The following CCDC110 variants were observed in gnomAD, a reference collection of about 807,000 sequenced individuals.
CCDC110 encodes the protein coiled-coil domain-containing protein 110.
A neutral mutation model predicts 77.1 loss-of-function variants in CCDC110; 70 were observed. The observed-to-expected ratio is 0.91, with a 90% CI of 0.75 to 1.11. The LOEUF is 1.11. Among genes scored for constraint, CCDC110 ranks in the 50% least tolerant of loss-of-function variants. The pLI, the probability that CCDC110 is intolerant of heterozygous loss-of-function variation, is 0.00. For synonymous variants in CCDC110, 295 were observed against 312.5 expected, an observed-to-expected ratio of 0.94 and a Z score of 0.59; for missense variants, 868 against 942.9, an observed-to-expected ratio of 0.92 and a Z score of 1.04.
At chr4:185,447,305 C>T (rs2095615714) in intron 6 of CCDC110, among the ~76,000 whole-genome samples, 1 of 152,010 alleles carries the variant, frequency 6.6e-6, no homozygotes, top group Admixed American at 6.6e-5. Flanking sequence ...CCTCAGCCTC[C>T]CGAGTAGCTG....
intron 4 of CCDC110, 89 bp downstream of exon 4, chr4:185,462,554 G>C: frequency 2.0e-6 from 2 of 976,752 alleles, no homozygotes; most frequent in Non-Finnish European, 3.3e-6. Context: ...TTCTGTGTCA[G>C]CTAATCCATT....
intron 6 of CCDC110, among the ~76,000 whole-genome samples, chr4:185,448,262 C>T (rs1317783826): frequency 6.6e-6 from 1 of 152,138 alleles, no homozygotes; most frequent in Non-Finnish European, 1.5e-5. Context: ...CTCAGGTGAT[C>T]CGCCCGCCTC....
rs566990491 is a variant in CCDC110, at chr4:185,468,272, G to A, written c.115+2673C>T. Reference sequence around the variant, plus strand: ...TCGCAGTGAGGGGATAACTCTAGGCGAGTGTCCAGTTTGTAGATAAAGCCC... The same window carrying A: ...TCGCAGTGAGGGGATAACTCTAGGCAAGTGTCCAGTTTGTAGATAAAGCCC... On this transcript the variant is annotated intron_variant, in intron 2 of 6. Transcript: ENST00000307588. This position sits in a 1 kb window ranked among gnomAD's most constrained non-coding sequence, Gnocchi z 4.5. Among the ~76,000 whole-genome samples the A allele has an allele frequency of 6.6e-6, 1 of 152,354 alleles. No individual in the cohort carries two copies. Among genetic ancestry groups the A allele is most frequent in the South Asian group, 2.1e-4 (1 of 4,828 alleles).
In CCDC110 at chr4:185,458,142, CAA is replaced by C; in HGVS notation, c.2443_2444del (p.Leu815GlyfsTer11). ...EDTSSPQSRP[L>X]ASDLKGYFKV... ...CTTGCGTACCTTTCAAATCCGAAGC[CAA>C]AGGCCTACTCTGAGGACTAGAAGTA... On this transcript the variant is annotated frameshift_variant, in exon 6 of 7. Transcript: ENST00000307588. LOFTEE classifies it high-confidence loss of function. 2 of 1,554,430 alleles carry C rather than the reference CAA, an allele frequency of 1.3e-6. No homozygotes were observed. The highest frequency in any genetic ancestry group is 1.7e-6 in the Non-Finnish European group (2 of 1,160,636).
chr4:185,462,876 T>C (rs1002051220), intron 3 of CCDC110, 118 bp downstream of exon 3: 1 of 1,043,780 alleles, frequency 9.6e-7, no homozygotes, highest in African/African-American at 1.6e-5. Context: ...TGTGCTTTCA[T>C]GGAGATCCTT....
chr4:185,457,223 T>G (rs2095637150), intron 6 of CCDC110: 1 of 455,616 alleles, frequency 2.2e-6, no homozygotes, highest in Non-Finnish European at 4.4e-6. Flanking sequence ...AATAGCAGTC[T>G]TGGAAGACAG....
At chr4:185,471,507 C>G in intron 1 of CCDC110, 167 bp downstream of exon 1, 1 of 674,564 alleles carries the variant, frequency 1.5e-6, no homozygotes, top group Non-Finnish European at 2.4e-6. Context: ...CGCAGGGGGC[C>G]GCAGCGGGTG....
chr4:185,457,208 A>AT (rs1401214304), intron 6 of CCDC110: 1 of 454,810 alleles, frequency 2.2e-6, no homozygotes, highest in East Asian at 7.0e-5. Context: ...AACAAGGAAT[A>AT]TTTGAATAGC....
chr4:185,454,628 C>A (rs2095633617), intron 6 of CCDC110, among the ~76,000 whole-genome samples: 1 of 151,810 alleles, frequency 6.6e-6, no homozygotes, highest in Admixed American at 6.6e-5. Flanking sequence ...GCAGGAGAAT[C>A]ACTTGAACCT....
At chr4:185,447,615 A>T (rs2095617734) in intron 6 of CCDC110, among the ~76,000 whole-genome samples, 1 of 152,330 alleles carries the variant, frequency 6.6e-6, no homozygotes, top group East Asian at 1.9e-4. Context: ...TGTGTATTTC[A>T]GTGGCCTCCA....
chr4:185,450,405 C>G (rs1208486619), intron 6 of CCDC110, among the ~76,000 whole-genome samples: 1 of 152,200 alleles, frequency 6.6e-6, no homozygotes, highest in Non-Finnish European at 1.5e-5. Context: ...GCCTTACCCG[C>G]TAGTCCCCAA....
chr4:185,457,269 C>A, intron 6 of CCDC110: 1 of 456,206 alleles, frequency 2.2e-6, no homozygotes, highest in Non-Finnish European at 4.4e-6. Flanking sequence ...GTGCTTGCAA[C>A]CTTGGAAGCT....
chr4:185,449,259 G>A (rs1288452093), intron 6 of CCDC110, among the ~76,000 whole-genome samples: 2 of 152,048 alleles, frequency 1.3e-5, no homozygotes, highest in African/African-American at 2.4e-5. Context: ...GTGTTGGCTC[G>A]TGTGTAATCT....
chr4:185,471,094 T>C, intron 1 of CCDC110, 45 bp from the exon 2 acceptor site: 1 of 355,944 alleles, frequency 2.8e-6, no homozygotes, highest in Non-Finnish European at 4.0e-6. Context: ...GGTCGTGGCG[T>C]GGCGGGGCTG....
intron 1 of CCDC110, among the ~76,000 whole-genome samples, chr4:185,471,361 C>CAGA (rs2095667137): frequency 3.9e-5 from 1 of 25,882 alleles, no homozygotes; most frequent in Non-Finnish European, 8.2e-5. Flanking sequence ...TGGGGCGGGG[C>CAGA]GGAGGGATGG....
rs1160201469 is a variant in CCDC110, at chr4:185,452,396, T to C, written c.2461+5730A>G. 2.2e-5 allele frequency: 22 copies of C among 984,648 alleles called. No homozygotes were observed. In the Admixed American group the frequency reaches 1.4e-3, roughly 61 times the overall value. 61.0% of individuals were successfully genotyped at this position (984,648 alleles called of 1,614,324 possible). ...AATCTGAAACAATGATTGTGGATGT[T>C]GACATAACATGGAAGAAAGGCTTAA... On this transcript the variant is annotated intron_variant, in intron 6 of 6. Transcript: ENST00000307588.
In CCDC110 at chr4:185,462,728, T is replaced by C. The variant is rs761397023; in HGVS notation, c.172-20A>G. 10 of 1,599,362 alleles carry C rather than the reference T, an allele frequency of 6.3e-6. No homozygotes were observed. The Admixed American group carries it at 1.3e-4, about 21-fold the overall frequency. The stretch of plus-strand genomic sequence containing the variant: ...AAGGACCTATGACAAAAGTAAAGTA[T>C]GAAATTGAGTATTTTTAGGTAGGTA... On this transcript the variant is annotated intron_variant, in intron 3 of 6. Coordinates refer to ENST00000307588, the MANE Select transcript of CCDC110 (RefSeq NM_152775.4).
chr4:185,452,588 A>G (rs1023729492), intron 6 of CCDC110, among the ~76,000 whole-genome samples: 14 of 152,254 alleles, frequency 9.2e-5, no homozygotes, highest in African/African-American at 3.1e-4. Context: ...TGGAACATGC[A>G]TTAAGAATAA....
rs2153324991 is a variant in CCDC110 at position 185,468,294 on chromosome 4, G to A, written c.115+2651C>T. On this transcript the variant is annotated intron_variant, in intron 2 of 6. Transcript: ENST00000307588. The surrounding 1 kb of genome is among the most constrained non-coding windows in gnomAD (Gnocchi z 4.5). ...GGCGAGTGTCCAGTTTGTAGATAAA[G>A]CCCTTACTGAGGTGTACGAGGTGTA... Among the ~76,000 whole-genome samples the A allele has an allele frequency of 6.6e-6, 1 of 152,328 alleles. No homozygotes were observed. Among genetic ancestry groups the A allele is most frequent in the East Asian group, 1.9e-4 (1 of 5,184 alleles).
Sources: allele counts gnomAD v4.1 joint callset (sites outside exome capture counted in the v4.1 genomes callset), GRCh38; gene constraint gnomAD v4.1.1; non-coding constraint Gnocchi (gnomAD v3.1); transcripts MANE v1.5; gene names NCBI Gene and HGNC (gene_info 2026-07-23, HGNC 2026-07-21).